STK10: variants seen among roughly 807,000 people sequenced by gnomAD.
STK10 encodes serine/threonine kinase 10, also known as serine/threonine-protein kinase 10.
In STK10, 78 loss-of-function variants were observed where a neutral mutation model predicts 113.8. That is an observed-to-expected ratio of 0.69 (90% confidence interval 0.57 to 0.83). The LOEUF (loss-of-function observed/expected upper bound fraction) is 0.83, where lower values mean the gene tolerates loss of function less well. Ranked by LOEUF, STK10 falls within the 40% of genes least tolerant of loss-of-function variation. The pLI, the probability that STK10 is intolerant of heterozygous loss-of-function variation, is 0.00. For synonymous variants in STK10, 465 were observed against 494.7 expected (o/e 0.94, Z 0.80); for missense variants, 1,109 against 1,280.1 (o/e 0.87, Z 2.04).
intron 18 of STK10, among the ~76,000 whole-genome samples, chr5:172,047,094 A>C (rs191847065): frequency 1.6e-4 from 24 of 152,370 alleles, no homozygotes; most frequent in African/African-American, 5.1e-4. Context: ...CATACAAGGC[A>C]GGGGGTTCAC....
rs1272049794 is a variant in STK10 at position 172,043,457 on chromosome 5, C to G, written c.*1425G>C. ...AAACACTACCCAGACTCAATATGCCCGCATGATTACTCCAAATCATTACCA... is the reference window on the plus strand; with the variant it reads ...AAACACTACCCAGACTCAATATGCCGGCATGATTACTCCAAATCATTACCA... On this transcript the variant is annotated 3_prime_UTR_variant, in exon 19 of 19. Transcript: ENST00000176763. 6.6e-6 allele frequency: 1 copy of G among 152,096 alleles called. No homozygotes were observed. Among genetic ancestry groups the G allele is most frequent in the Non-Finnish European group, 1.5e-5 (1 of 68,032 alleles). The allele number at this position is 152,096 out of a possible 1,614,324, so 9.4% of individuals were successfully genotyped here. A position where few individuals can be genotyped will look rare whatever the true frequency, so the allele number is the denominator to read the frequency against.
intron 12 of STK10, among the ~76,000 whole-genome samples, chr5:172,066,171 C>A (rs1768065239): frequency 6.6e-6 from 1 of 152,076 alleles, no homozygotes. Context: ...GTGAGGTAAG[C>A]CAAGACAGGC....
At chr5:172,051,717 G>A (rs1767631817) in intron 18 of STK10, among the ~76,000 whole-genome samples, 1 of 152,164 alleles carries the variant, frequency 6.6e-6, no homozygotes. Flanking sequence ...CAGAAGGTGG[G>A]CCTAGGAGGA....
intron 3 of STK10, 25 bp from the exon 4 acceptor site, chr5:172,117,655 C>A: frequency 6.2e-7 from 1 of 1,613,372 alleles, no homozygotes; most frequent in South Asian, 1.1e-5. Context: ...GAACGGCTGT[C>A]AATTCAGTAA....
intron 7 of STK10, among the ~76,000 whole-genome samples, chr5:172,101,905 G>T (rs1250294890): frequency 2.6e-5 from 4 of 152,024 alleles, no homozygotes. Context: ...AAGGCGGCTG[G>T]GCAGGCTGGA....
At chr5:172,168,681 A>G (rs1162689085) in intron 1 of STK10, among the ~76,000 whole-genome samples, 2 of 152,142 alleles carry the variant, frequency 1.3e-5, no homozygotes, top group African/African-American at 4.8e-5. Flanking sequence ...TATGGAAGAG[A>G]AAAGGGAGGC....
Position 172,086,096 on chromosome 5 carries a change from C to T in STK10, c.1686-3012G>A, listed in dbSNP as rs974010251. 2.0e-5 allele frequency among the ~76,000 whole-genome samples: 3 copies of T among 152,200 alleles called. No homozygotes were observed. In the East Asian group the frequency reaches 5.8e-4, roughly 29 times the overall value. On this transcript the variant is annotated intron_variant, in intron 10 of 18. Coordinates refer to ENST00000176763, the MANE Select transcript of STK10 (RefSeq NM_005990.4). The stretch of plus-strand genomic sequence containing the variant: ...CTTATCCTTGTGGGACTCACTCCCT[C>T]CTCTGCAAAATGAGGCTAACAATCT...
chr5:172,071,932 G>A (rs1768190425), intron 12 of STK10, among the ~76,000 whole-genome samples: 2 of 152,156 alleles, frequency 1.3e-5, no homozygotes, highest in African/African-American at 4.8e-5. Flanking sequence ...CACAACAGCT[G>A]TCAACAAAAC....
intron 3 of STK10, among the ~76,000 whole-genome samples, chr5:172,117,937 T>C (rs1014735266): frequency 2.1e-5 from 3 of 140,506 alleles, no homozygotes; most frequent in African/African-American, 8.2e-5. Flanking sequence ...TGCTTGAACC[T>C]GGGCAGCAGA....
chr5:172,047,139 C>T (rs1767509402), intron 18 of STK10, among the ~76,000 whole-genome samples: 1 of 152,186 alleles, frequency 6.6e-6, no homozygotes, highest in Non-Finnish European at 1.5e-5. Context: ...TGTAAAAGAC[C>T]ATTTATTCTC....
intron 3 of STK10, among the ~76,000 whole-genome samples, chr5:172,121,673 G>A (rs1769513102): frequency 6.6e-6 from 1 of 152,024 alleles, no homozygotes; most frequent in African/African-American, 2.4e-5. Context: ...GGGTGTGGTT[G>A]CACTCCAGCC....
chr5:172,130,376 C>G (rs917047265), intron 2 of STK10, among the ~76,000 whole-genome samples: 11 of 152,030 alleles, frequency 7.2e-5, no homozygotes, highest in Non-Finnish European at 1.5e-4. Flanking sequence ...ACTAAAAATA[C>G]AAAAAGTAGC....
intron 2 of STK10, among the ~76,000 whole-genome samples, chr5:172,147,423 G>A (rs890199862): frequency 2.7e-5 from 4 of 150,430 alleles, no homozygotes; most frequent in African/African-American, 9.8e-5. Flanking sequence ...ACAGAGTCTT[G>A]CTCTGTCGTC....
chr5:172,062,331 T>C lies in STK10; in HGVS notation c.2083-1063A>G, dbSNP rs189287547. On this transcript the variant is annotated intron_variant, in intron 13 of 18. Coordinates refer to ENST00000176763, the MANE Select transcript of STK10 (RefSeq NM_005990.4). Reference sequence around the variant, plus strand: ...CGGAATTAGTAAAACTCTCCACTCATCTTATCCCCCAGAGTTGGCAGCTGC... The same window carrying C: ...CGGAATTAGTAAAACTCTCCACTCACCTTATCCCCCAGAGTTGGCAGCTGC... Among the ~76,000 whole-genome samples, 6 of 152,312 alleles carry C rather than the reference T, an allele frequency of 3.9e-5. No homozygotes were observed. In the East Asian group the frequency reaches 1.2e-3, roughly 29 times the overall value.
chr5:172,057,526 C>T (rs989326323), intron 14 of STK10, 53 bp from the exon 15 acceptor site: 3 of 1,526,784 alleles, frequency 2.0e-6, no homozygotes, highest in South Asian at 2.4e-5. Flanking sequence ...AGAGACTCGA[C>T]AGGCCCCCTG....
chr5:172,107,667 G>A (rs1769146008), intron 5 of STK10, 113 bp downstream of exon 5: 7 of 1,023,916 alleles, frequency 6.8e-6, no homozygotes, highest in Non-Finnish European at 2.9e-6. Context: ...TAAGCCACGA[G>A]GCAGGGCGTG....
rs938760232 is a variant in STK10, at chr5:172,106,678, G to A, written c.730C>T (p.Arg244Trp). The change falls in exon 6 of 19, where the codon CGG becomes TGG. Residue 244 changes from arginine to tryptophan, a missense_variant. This residue lies in a region of STK10 where 885 missense variants were observed against 991.1 expected (regional missense o/e 0.89). Transcript: ENST00000176763. ...GACTTGGCGATCTTTAGCAGGACCC[G>A]CATGGGGTTGAGCTCGTGGTGTGGC... ...EPPHHELNPM[R>W]VLLKIAKSDP... 6.2e-6 allele frequency: 10 copies of A among 1,613,764 alleles called. No individual in the cohort carries two copies. The highest frequency in any genetic ancestry group is 7.6e-6 in the Non-Finnish European group (9 of 1,180,030).
At chr5:172,112,954 G>A (rs2113772512) in intron 4 of STK10, among the ~76,000 whole-genome samples, 1 of 151,300 alleles carries the variant, frequency 6.6e-6, no homozygotes, top group Non-Finnish European at 1.5e-5. Flanking sequence ...CATCATGTTG[G>A]TCAGGCTGGT....
At chr5:172,121,516 A>C (rs566039013) in intron 3 of STK10, among the ~76,000 whole-genome samples, 1 of 151,992 alleles carries the variant, frequency 6.6e-6, no homozygotes, top group East Asian at 2.0e-4. Context: ...GTTTATAAAA[A>C]AAATTTTTGG....
Sources: gnomAD v4.1 joint callset for allele counts (sites outside exome capture counted in the v4.1 genomes callset) on GRCh38, gnomAD v4.1.1 for gene constraint, gnomAD v4.1.1 regional missense constraint, MANE v1.5 for transcripts, NCBI Gene and HGNC (gene_info 2026-07-23, HGNC 2026-07-21) for gene names.